The following MBNL1 variants were observed in gnomAD, a reference collection of about 807,000 sequenced individuals.
MBNL1 encodes the protein muscleblind like splicing regulator 1, also known as muscleblind-like protein 1.
A neutral mutation model predicts 42.2 loss-of-function variants in MBNL1; 8 were observed. The ratio of observed to expected loss-of-function variants is 0.19; its 90% CI spans 0.11 to 0.34. The LOEUF (loss-of-function observed/expected upper bound fraction) is 0.34. Among genes scored for constraint, MBNL1 ranks in the 10% least tolerant of loss-of-function variants. The pLI, the probability that MBNL1 is intolerant of heterozygous loss-of-function variation, is 1.00. For missense variants in MBNL1, 309 were observed against 495.3 expected (o/e 0.62, Z 3.57); for synonymous variants, 169 against 173.9 (o/e 0.97, Z 0.22).
chr3:152,454,356 C>T (rs540270972), intron 6 of MBNL1, among the ~76,000 whole-genome samples: 1 of 152,222 alleles, frequency 6.6e-6, no homozygotes, highest in East Asian at 1.9e-4. Context: ...CCATCTCTGA[C>T]GAGATTCATT....
Position 152,281,949 on chromosome 3 carries a change from ATG to A in MBNL1, c.-790+12863_-790+12864del, listed in dbSNP as rs574583180. Reference sequence around the variant, plus strand: ...AATCCTTAATAATTAGAGCATGTCCATGTGTGTATGTGTGCATGTTTTTGTGT... The same window carrying A: ...AATCCTTAATAATTAGAGCATGTCCATGTGTATGTGTGCATGTTTTTGTGT... On this transcript the variant is annotated intron_variant, in intron 1 of 9. Coordinates refer to ENST00000324210, the MANE Select transcript of MBNL1 (RefSeq NM_021038.5). 2.0e-3 allele frequency among the ~76,000 whole-genome samples: 311 copies of A among 152,206 alleles called. 6 individuals carry two copies. The highest frequency in any genetic ancestry group is 2.9e-3 in the East Asian group (15 of 5,190).
rs2099024514 is a variant in MBNL1, at chr3:152,432,882, G to C, written c.511G>C (p.Ala171Pro). ...PGVPVPAAAA[A>P]AAQKLMRTDR... ...TGTCCCTGTACCTGCAGCTGCTGCA[G>C]CTGCTGCACAGAAATTAATGCGAAC... Residue 171 changes from alanine to proline, a missense_variant, in exon 4 of 10, where the codon GCT (alanine) becomes CCT (proline). Coordinates refer to ENST00000324210, the MANE Select transcript of MBNL1 (RefSeq NM_021038.5). 6.2e-7 allele frequency: 1 copy of C among 1,613,732 alleles called. No individual in the cohort carries two copies. The highest frequency in any genetic ancestry group is 8.5e-7 in the Non-Finnish European group (1 of 1,179,650).
Position 152,430,330 on chromosome 3 carries a change from A to G in MBNL1, c.346-2387A>G, listed in dbSNP as rs190644898. On this transcript the variant is annotated intron_variant, in intron 3 of 9. Coordinates refer to ENST00000324210, the MANE Select transcript of MBNL1 (RefSeq NM_021038.5). ...ATTATAGTAGATTATGTGCAATAAT[A>G]TAAACATCTCAATAACTTTCTGAAG... is the stretch of plus-strand genomic sequence containing the variant. Among the ~76,000 whole-genome samples, 2 of 152,350 alleles carry G rather than the reference A, an allele frequency of 1.3e-5. 1 individual carries two copies. Among genetic ancestry groups the G allele is most frequent in the Admixed American group, 1.3e-4 (2 of 15,300 alleles).
At chr3:152,279,251 A>G (rs536983753) in intron 1 of MBNL1, among the ~76,000 whole-genome samples, 2 of 152,248 alleles carry the variant, frequency 1.3e-5, no homozygotes, top group South Asian at 2.1e-4. Context: ...GTCAGGAATC[A>G]TCATCCTCTT....
chr3:152,401,738 A>G (rs969294885), intron 2 of MBNL1, among the ~76,000 whole-genome samples: 60 of 152,094 alleles, frequency 3.9e-4, no homozygotes, highest in African/African-American at 1.4e-3. Context: ...ATTAAAGGAG[A>G]TTTGCGGCTG....
chr3:152,306,959 A>G (rs1362136365), intron 2 of MBNL1, among the ~76,000 whole-genome samples: 1 of 152,182 alleles, frequency 6.6e-6, no homozygotes, highest in Non-Finnish European at 1.5e-5. Flanking sequence ...AAACTAAAAC[A>G]GCTTCATTTT....
At chr3:152,459,792 T>G (rs914846105) in intron 9 of MBNL1, among the ~76,000 whole-genome samples, 2 of 152,032 alleles carry the variant, frequency 1.3e-5, no homozygotes, top group African/African-American at 4.8e-5. Context: ...AGTAAAACTT[T>G]ATTTACAAAA....
intron 4 of MBNL1, among the ~76,000 whole-genome samples, chr3:152,435,361 A>T (rs958488970): frequency 1.6e-4 from 25 of 151,990 alleles, no homozygotes; most frequent in Non-Finnish European, 3.4e-4. Flanking sequence ...AGTGTGCTGC[A>T]TTATTTCTGG....
chr3:152,249,677 A>G (rs1430023036), intron 2 of MBNL1, among the ~76,000 whole-genome samples: 2 of 150,574 alleles, frequency 1.3e-5, no homozygotes, highest in East Asian at 3.9e-4. Flanking sequence ...GGTGTTTTAG[A>G]CATGAAGTCC....
chr3:152,314,681 C>A (rs1312987263), intron 2 of MBNL1, among the ~76,000 whole-genome samples: 1 of 152,096 alleles, frequency 6.6e-6, no homozygotes, highest in Non-Finnish European at 1.5e-5. Context: ...GGCCTAGCTC[C>A]AAAATTTTAA....
At chr3:152,334,795 A>G (rs2088433788) in intron 2 of MBNL1, among the ~76,000 whole-genome samples, 1 of 152,236 alleles carries the variant, frequency 6.6e-6, no homozygotes. Context: ...CTTCCTTATA[A>G]TAAAGTAAAC....
Position 152,337,920 on chromosome 3 carries a change from C to T in MBNL1, c.174+37553C>T, listed in dbSNP as rs370683557. On this transcript the variant is annotated intron_variant, in intron 2 of 9. Transcript: ENST00000324210. ...TTGTTTAACCTTCTCTCTGTCTTTC[C>T]GTTTTCTCATCTAATTCCCAATAAT... 6.2e-4 allele frequency: 111 copies of T among 178,818 alleles called. No individual in the cohort carries two copies. In the South Asian group the frequency reaches 0.019, roughly 31 times the overall value. 11.1% of individuals were successfully genotyped at this position (178,818 alleles called of 1,614,324 possible).
chr3:152,284,121 A>G (rs903674817), intron 1 of MBNL1, among the ~76,000 whole-genome samples: 32 of 152,222 alleles, frequency 2.1e-4, no homozygotes, highest in African/African-American at 7.5e-4. Context: ...ATCAATACAC[A>G]TATTTTATGT....
intron 2 of MBNL1, among the ~76,000 whole-genome samples, chr3:152,403,242 T>C (rs2098305784): frequency 1.3e-5 from 2 of 152,142 alleles, no homozygotes; most frequent in African/African-American, 4.8e-5. Flanking sequence ...GACGCTCCTG[T>C]GAGGCCCAAC....
At chr3:152,330,460 A>G (rs1401357057) in intron 2 of MBNL1, among the ~76,000 whole-genome samples, 1 of 152,204 alleles carries the variant, frequency 6.6e-6, no homozygotes, top group Admixed American at 6.5e-5. Flanking sequence ...ATATCAGGAA[A>G]AAAAATGCTA....
In MBNL1 at chr3:152,409,465, GA is replaced by G. The variant is rs34338591; in HGVS notation, c.175-5463del. On this transcript the variant is annotated intron_variant, in intron 2 of 9. Coordinates refer to ENST00000324210, the MANE Select transcript of MBNL1 (RefSeq NM_021038.5). ...CTGAAATATTTGTATCATCTTAGCTGAAAAAAAAAAAAATGGTAAGAATTTT... is the reference window on the plus strand; with the variant it reads ...CTGAAATATTTGTATCATCTTAGCTGAAAAAAAAAAAATGGTAAGAATTTT... Among the ~76,000 whole-genome samples the G allele has an allele frequency of 5.3e-3, 749 of 140,382 alleles. 4 individuals are homozygous for G. The highest frequency in any genetic ancestry group is 0.022 in the South Asian group (96 of 4,456). 92.1% of individuals were successfully genotyped at this position (140,382 alleles called of 152,430 possible).
chr3:152,264,517 A>T (rs1485559656), upstream of MBNL1: 2 of 152,144 alleles, frequency 1.3e-5, no homozygotes, highest in African/African-American at 4.8e-5. Context: ...TAAGAAAAAA[A>T]AAAAGACAAT....
At chr3:152,340,805 CT>C in intron 2 of MBNL1, 1 of 1,613,968 alleles carries the variant, frequency 6.2e-7, no homozygotes, top group Non-Finnish European at 8.5e-7. Flanking sequence ...TGGACAGAAC[CT>C]ACTTTTGCAT....
chr3:152,256,516 G>A (rs760864546), intron 2 of MBNL1, among the ~76,000 whole-genome samples: 11 of 151,992 alleles, frequency 7.2e-5, no homozygotes, highest in South Asian at 2.1e-4. Context: ...ACATCAACCC[G>A]CTCCCCTTAA....
Sources: allele counts gnomAD v4.1 joint callset (sites outside exome capture counted in the v4.1 genomes callset), GRCh38; gene constraint gnomAD v4.1.1; transcripts MANE v1.5; gene names NCBI Gene and HGNC (gene_info 2026-07-23, HGNC 2026-07-21).